Variants in TANC2 observed in about 807,000 individuals in gnomAD.
The protein encoded by TANC2 is tetratricopeptide repeat, ankyrin repeat and coiled-coil containing 2.
Under a neutral mutation model 210.5 loss-of-function variants are expected in TANC2, and 26 were observed. The ratio of observed to expected loss-of-function variants is 0.12; its 90% CI spans 0.09 to 0.17. The LOEUF (loss-of-function observed/expected upper bound fraction) is 0.17. Ranked by LOEUF, TANC2 falls within the 10% of genes least tolerant of loss-of-function variation. The pLI is 1.00. For missense variants in TANC2, 2,129 were observed against 2,608.9 expected (o/e 0.82, Z 4.01); for synonymous variants, 931 against 967.1 (o/e 0.96, Z 0.69).
intron 3 of TANC2, among the ~76,000 whole-genome samples, chr17:63,083,262 C>T (rs1433722751): frequency 6.6e-6 from 1 of 152,156 alleles, no homozygotes; most frequent in Non-Finnish European, 1.5e-5. Context: ...TTCATCCAGA[C>T]CAAGTGATGA....
chr17:63,167,119 A>C (rs544022412), intron 5 of TANC2, among the ~76,000 whole-genome samples: 4 of 152,102 alleles, frequency 2.6e-5, no homozygotes, highest in Non-Finnish European at 5.9e-5. Flanking sequence ...AAATTCAAGA[A>C]CCATTGGTTA....
chr17:63,132,604 G>T (rs2038956611), intron 4 of TANC2, among the ~76,000 whole-genome samples: 5 of 152,188 alleles, frequency 3.3e-5, no homozygotes. Flanking sequence ...TTTGTCTCAG[G>T]AATTAATCAT....
At chr17:63,282,993 G>C (rs533445929) in intron 9 of TANC2, among the ~76,000 whole-genome samples, 123 of 152,068 alleles carry the variant, frequency 8.1e-4, no homozygotes, top group African/African-American at 2.8e-3. Context: ...ATGTCTTAGA[G>C]GACTGGCCTT....
intron 5 of TANC2, among the ~76,000 whole-genome samples, chr17:63,184,682 C>T (rs1368945448): frequency 6.9e-6 from 1 of 144,632 alleles, no homozygotes; most frequent in Non-Finnish European, 1.5e-5. Flanking sequence ...GAGATGGAGT[C>T]TTGCTCTGTC....
chr17:63,097,597 T>C (rs2037436674), intron 3 of TANC2, among the ~76,000 whole-genome samples: 1 of 149,014 alleles, frequency 6.7e-6, no homozygotes, highest in African/African-American at 2.5e-5. Flanking sequence ...AAAAAAGTAA[T>C]GTTTTAAGAA....
intron 5 of TANC2, chr17:63,155,200 C>G (rs2039794047): frequency 6.6e-6 from 1 of 151,464 alleles, no homozygotes; most frequent in African/African-American, 2.4e-5. Context: ...AAAAATAGAC[C>G]TATCTTTAAA....
At chr17:63,139,955 A>G (rs1347056428) in intron 4 of TANC2, among the ~76,000 whole-genome samples, 2 of 152,120 alleles carry the variant, frequency 1.3e-5, no homozygotes, top group African/African-American at 2.4e-5. Context: ...AATTTCATTC[A>G]TTTGGTATAG....
At chr17:63,227,513 T>C (rs1349196865) in intron 7 of TANC2, among the ~76,000 whole-genome samples, 2 of 152,224 alleles carry the variant, frequency 1.3e-5, no homozygotes, top group African/African-American at 4.8e-5. Flanking sequence ...TAGATCTTTT[T>C]TCAGATGGAT....
intron 4 of TANC2, among the ~76,000 whole-genome samples, chr17:63,112,161 A>G (rs1307905958): frequency 6.6e-6 from 1 of 152,204 alleles, no homozygotes; most frequent in African/African-American, 2.4e-5. Context: ...ACGGTCCAGC[A>G]TTCCTTTTAG....
chr17:63,091,476 C>G (rs894292018), intron 3 of TANC2, among the ~76,000 whole-genome samples: 2 of 152,088 alleles, frequency 1.3e-5, no homozygotes, highest in Admixed American at 6.6e-5. Flanking sequence ...GAATCCTTCC[C>G]CCATTTCTTG....
Position 63,379,706 on chromosome 17 carries a change from C to CT in TANC2, c.2583-5dup, listed in dbSNP as rs1396874707. ...AATTAATTAATTAAAATGAATTTCTCTTTTTTTGCAGGAGTGGTCACACGT... is the reference window on the plus strand; with the variant it reads ...AATTAATTAATTAAAATGAATTTCTCTTTTTTTTGCAGGAGTGGTCACACGT... On this transcript the variant is annotated splice_polypyrimidine_tract_variant and intron_variant, in intron 14 of 27. Coordinates refer to ENST00000689528, the Ensembl canonical transcript of TANC2. 4 of 1,567,884 alleles carry CT rather than the reference C, an allele frequency of 2.6e-6. No individual in the cohort carries two copies. Among genetic ancestry groups the CT allele is most frequent in the South Asian group, 1.2e-5 (1 of 83,702 alleles).
intron 17 of TANC2, among the ~76,000 whole-genome samples, chr17:63,394,137 A>T (rs776415385): frequency 6.6e-6 from 1 of 152,108 alleles, no homozygotes; most frequent in South Asian, 2.1e-4. Context: ...TTCCCTCAAC[A>T]TGTATTAATT....
chr17:63,011,088 C>G (rs994036797), intron 2 of TANC2, among the ~76,000 whole-genome samples: 3 of 152,138 alleles, frequency 2.0e-5, no homozygotes, highest in African/African-American at 7.2e-5. Flanking sequence ...TGTCCTGAGG[C>G]TATTCAGGAG....
At chr17:63,362,650 A>G (rs2047000120) in intron 14 of TANC2, among the ~76,000 whole-genome samples, 1 of 152,236 alleles carries the variant, frequency 6.6e-6, no homozygotes, top group South Asian at 2.1e-4. Context: ...CTGGCGTGTC[A>G]ACACTGCCCT....
intron 2 of TANC2, among the ~76,000 whole-genome samples, chr17:63,014,837 T>G (rs2034033920): frequency 6.6e-6 from 1 of 152,268 alleles, no homozygotes; most frequent in Non-Finnish European, 1.5e-5. Flanking sequence ...TATTCCCTGG[T>G]TTTTCACACA....
At chr17:63,252,293 G>A (rs1430895032) in intron 8 of TANC2, among the ~76,000 whole-genome samples, 1 of 151,632 alleles carries the variant, frequency 6.6e-6, no homozygotes, top group South Asian at 2.1e-4. Context: ...TTTGATACAG[G>A]CATACAATAT....
intron 10 of TANC2, among the ~76,000 whole-genome samples, chr17:63,315,637 C>T (rs559017701): frequency 6.6e-6 from 1 of 152,310 alleles, no homozygotes; most frequent in South Asian, 2.1e-4. Context: ...ATCTAGCCCA[C>T]CACAGACTTT....
intron 9 of TANC2, among the ~76,000 whole-genome samples, chr17:63,312,770 A>G (rs1336764231): frequency 6.6e-6 from 1 of 152,152 alleles, no homozygotes; most frequent in South Asian, 2.1e-4. Context: ...TGTTACAGAA[A>G]TGTGAATCAG....
intron 7 of TANC2, among the ~76,000 whole-genome samples, chr17:63,219,970 C>A (rs1452192528): frequency 6.6e-6 from 1 of 152,052 alleles, no homozygotes; most frequent in Non-Finnish European, 1.5e-5. Context: ...TGTGTTACTG[C>A]TGTAAAGGTG....
Sources: allele counts gnomAD v4.1 joint callset (sites outside exome capture counted in the v4.1 genomes callset), GRCh38; gene constraint gnomAD v4.1.1; transcripts MANE v1.5; gene names NCBI Gene and HGNC (gene_info 2026-07-23, HGNC 2026-07-21).